The following ACVR1C variants were observed in gnomAD, a reference collection of about 807,000 sequenced individuals.
ACVR1C encodes the protein activin receptor type-1C.
ACVR1C carries 23 observed loss-of-function variants against 57.9 expected under a neutral mutation model. The observed-to-expected ratio is 0.40, with a 90% CI of 0.29 to 0.56. The LOEUF (loss-of-function observed/expected upper bound fraction) is 0.56. ACVR1C is among the 20% of genes least tolerant of loss of function. ACVR1C has a pLI of 0.50. For missense variants in ACVR1C, 480 were observed against 607.9 expected (o/e 0.79, Z 2.21); for synonymous variants, 214 against 215.3 (o/e 0.99, Z 0.05).
chr2:157,565,074 T>C (rs979480953), intron 2 of ACVR1C, among the ~76,000 whole-genome samples: 1 of 152,080 alleles, frequency 6.6e-6, no homozygotes, highest in Non-Finnish European at 1.5e-5. Context: ...CGTATACCTA[T>C]GTAACAAACC....
intron 4 of ACVR1C, among the ~76,000 whole-genome samples, chr2:157,547,175 C>CT (rs1321798460): frequency 7.5e-6 from 1 of 132,760 alleles, no homozygotes; most frequent in East Asian, 2.2e-4. Flanking sequence ...GCATAGTATT[C>CT]CATGGTGTAT....
At chr2:157,579,909 C>G (rs1412408832) in intron 2 of ACVR1C, among the ~76,000 whole-genome samples, 1 of 152,134 alleles carries the variant, frequency 6.6e-6, no homozygotes, top group African/African-American at 2.4e-5. Flanking sequence ...GGAATACCAG[C>G]TAATAGTGAG....
rs1173826967 is a variant in ACVR1C at position 157,529,537 on chromosome 2, C to A, written c.*4381G>T. 1 of 152,028 alleles carries A rather than the reference C, an allele frequency of 6.6e-6. No individual in the cohort carries two copies. Among genetic ancestry groups the A allele is most frequent in the African/African-American group, 2.4e-5 (1 of 41,420 alleles). 9.4% of individuals were successfully genotyped at this position (152,028 alleles called of 1,614,324 possible). On this transcript the variant is annotated 3_prime_UTR_variant, in exon 9 of 9. Transcript: ENST00000243349. ...GGCAGGGAACAGTGCTGGGTGTCAC[C>A]ACCAGGCTTTCATAAGAGTTCTGCT...
At position 157,587,226 on chromosome 2, in the gene ACVR1C, T is replaced by G. The variant is rs751342587; in HGVS notation, c.265A>C (p.Thr89Pro). Residue 89 changes from threonine (T) to proline (P), a missense_variant, in exon 2 of 9, where the codon ACA becomes CCA. By Grantham distance (38) the Thr-to-Pro change is conservative. Transcript: ENST00000243349. ...AGTGTTATGTTGTTGCAAAAATCTG[T>G]GAAGCAGCATTCGGTTTTGGTAACA... The part of the protein sequence containing the change: ...NNVTKTECCF[T>P]DFCNNITLHL... 6.2e-7 allele frequency: 1 copy of G among 1,613,672 alleles called. No individual in the cohort carries two copies. Among genetic ancestry groups the G allele is most frequent in the South Asian group, 1.1e-5 (1 of 91,082 alleles).
chr2:157,628,676 G>A lies in ACVR1C; in HGVS notation c.-32C>T, dbSNP rs1005757734. ...CAGGCGGCCGCGCCGGGGCTGCGAG[G>A]CCCCAGAGCAGAGCGAGGCAGCCGG... On this transcript the variant is annotated 5_prime_UTR_variant, in exon 1 of 9. Transcript: ENST00000243349. The A allele has an allele frequency of 4.0e-5, 61 of 1,527,708 alleles. No homozygotes were observed. The highest frequency in any genetic ancestry group is 5.3e-5 in the Non-Finnish European group (61 of 1,140,312). The allele number at this position is 1,527,708 out of a possible 1,614,324, so 94.6% of individuals were successfully genotyped here.
intron 1 of ACVR1C, among the ~76,000 whole-genome samples, chr2:157,608,448 T>G (rs538239514): frequency 1.3e-5 from 2 of 152,022 alleles, no homozygotes; most frequent in East Asian, 3.9e-4. Flanking sequence ...GTAGATTTCT[T>G]TTTTGGTTGT....
intron 1 of ACVR1C, among the ~76,000 whole-genome samples, chr2:157,616,734 G>C (rs963148179): frequency 6.6e-6 from 1 of 152,112 alleles, no homozygotes; most frequent in Non-Finnish European, 1.5e-5. Flanking sequence ...AGTGTCAGGT[G>C]TGAAGAGTAA....
intron 1 of ACVR1C, among the ~76,000 whole-genome samples, chr2:157,628,256 T>C (rs1442548129): frequency 1.3e-5 from 2 of 152,050 alleles, no homozygotes; most frequent in East Asian, 3.9e-4. Flanking sequence ...AACGCTCTCC[T>C]ATTTTCTCCG....
At chr2:157,554,219 G>GAAAGAAAGAAAGAAAGAA (rs1688006196) in intron 3 of ACVR1C, among the ~76,000 whole-genome samples, 2 of 82,162 alleles carry the variant, frequency 2.4e-5, no homozygotes, top group African/African-American at 1.2e-4. Flanking sequence ...AAGAAAGAAA[G>GAAAGAAAGAAAGAAAGAA]AAAGAAAGAA....
chr2:157,582,841 G>GA (rs1279080976), intron 2 of ACVR1C, among the ~76,000 whole-genome samples: 1 of 152,104 alleles, frequency 6.6e-6, no homozygotes, highest in East Asian at 1.9e-4. Flanking sequence ...AAAGAATCTA[G>GA]AAAAAAGCTA....
chr2:157,587,254 G>A lies in ACVR1C; in HGVS notation c.237C>T (p.Asn79=). ...AGCAGCATTCGGTTTTGGTAACATT[G>A]TTGGAACTATGACAGAAGACTTGAG... is the stretch of plus-strand genomic sequence containing the variant. ...LNAQVFCHSS[N]NVTKTECCFT... is the part of the protein sequence containing the mutation. The change falls in exon 2 of 9, where the codon AAC becomes AAT. Residue 79 remains asparagine (N), a synonymous_variant. Transcript: ENST00000243349. 6.2e-7 allele frequency: 1 copy of A among 1,613,726 alleles called. No homozygotes were observed.
chr2:157,572,418 C>T (rs2105241386), intron 2 of ACVR1C, among the ~76,000 whole-genome samples: 1 of 150,650 alleles, frequency 6.6e-6, no homozygotes, highest in African/African-American at 2.4e-5. Flanking sequence ...AACTTCTCCA[C>T]AGCTAGTATA....
At chr2:157,615,639 G>A (rs76270141) in intron 1 of ACVR1C, among the ~76,000 whole-genome samples, 3 of 152,048 alleles carry the variant, frequency 2.0e-5, no homozygotes, top group Non-Finnish European at 2.9e-5. Context: ...GCCTCCCAAA[G>A]TGCTGGGATT....
At chr2:157,593,931 T>A (rs887953311) in intron 1 of ACVR1C, among the ~76,000 whole-genome samples, 1 of 152,044 alleles carries the variant, frequency 6.6e-6, no homozygotes, top group African/African-American at 2.4e-5. Flanking sequence ...ACCAAAAAAA[T>A]TCAGAACTCC....
At chr2:157,607,481 A>AT (rs938541079) in intron 1 of ACVR1C, among the ~76,000 whole-genome samples, 6 of 151,390 alleles carry the variant, frequency 4.0e-5, no homozygotes, top group African/African-American at 9.7e-5. Context: ...GAATTTTAGG[A>AT]TTTTTTTTAT....
chr2:157,599,825 G>A (rs894351975), intron 1 of ACVR1C, among the ~76,000 whole-genome samples: 1 of 152,162 alleles, frequency 6.6e-6, no homozygotes, highest in Admixed American at 6.5e-5. Flanking sequence ...CTGTAGCATG[G>A]AGAGGTGAAC....
At chr2:157,566,311 T>C (rs190906274) in intron 2 of ACVR1C, among the ~76,000 whole-genome samples, 2 of 152,330 alleles carry the variant, frequency 1.3e-5, no homozygotes, top group East Asian at 3.9e-4. Context: ...AAGGGCAAGT[T>C]ATACTTCTCT....
intron 2 of ACVR1C, among the ~76,000 whole-genome samples, chr2:157,557,259 G>A (rs563836210): frequency 6.6e-6 from 1 of 152,282 alleles, no homozygotes; most frequent in Non-Finnish European, 1.5e-5. Flanking sequence ...GTTGTTTCAG[G>A]GTTTTGGTAG....
rs545551792 is a variant in ACVR1C, at chr2:157,530,304, C to T, written c.*3614G>A. ...TTCTCATACTTATTTCAATCAAAGA[C>T]TATGCCCTAACAAGCAATTTTAAGT... On this transcript the variant is annotated 3_prime_UTR_variant, in exon 9 of 9. Coordinates refer to ENST00000243349, the MANE Select transcript of ACVR1C (RefSeq NM_145259.3). 6.6e-6 allele frequency: 1 copy of T among 152,208 alleles called. No homozygotes were observed. Among genetic ancestry groups the T allele is most frequent in the South Asian group, 2.1e-4 (1 of 4,826 alleles). 9.4% of individuals were successfully genotyped at this position (152,208 alleles called of 1,614,324 possible). A position where few individuals can be genotyped will look rare whatever the true frequency, so the allele number is the denominator to read the frequency against.
Sources: allele counts gnomAD v4.1 joint callset (sites outside exome capture counted in the v4.1 genomes callset), GRCh38; gene constraint gnomAD v4.1.1; transcripts MANE v1.5; gene names NCBI Gene and HGNC (gene_info 2026-07-23, HGNC 2026-07-21).